The following CADM2 variants were observed in gnomAD, a reference collection of about 807,000 sequenced individuals.
CADM2 encodes immunoglobulin superfamily member 4D.
Under a neutral mutation model 49.8 loss-of-function variants are expected in CADM2, and 12 were observed. That is an observed-to-expected ratio of 0.24 (90% CI 0.15 to 0.39). CADM2 has a LOEUF of 0.39. Among genes scored for constraint, CADM2 ranks in the 10% least tolerant of loss-of-function variants. CADM2 has a pLI of 1.00. For synonymous variants in CADM2, 214 were observed against 175.4 expected, an observed-to-expected ratio of 1.22 and a Z score of -1.74; for missense variants, 378 against 492.3, an observed-to-expected ratio of 0.77 and a Z score of 2.20.
At chr3:85,827,301 A>G (rs17023381) in intron 3 of CADM2, among the ~76,000 whole-genome samples, 16,066 of 152,030 alleles carry the variant, frequency 0.11, 949 homozygotes, top group South Asian at 0.12. Context: ...CAAATGTTAT[A>G]GTAGGTGGCA....
At chr3:84,981,367 G>C (rs1478147948) in intron 1 of CADM2, among the ~76,000 whole-genome samples, 1 of 152,028 alleles carries the variant, frequency 6.6e-6, no homozygotes, top group Non-Finnish European at 1.5e-5. Context: ...TAAAGTCTAA[G>C]TTTGTTTGGT....
intron 1 of CADM2, among the ~76,000 whole-genome samples, chr3:85,110,834 G>A (rs1336346106): frequency 6.6e-6 from 1 of 151,796 alleles, no homozygotes; most frequent in African/African-American, 2.4e-5. Context: ...AAGGATCTCA[G>A]CGTTTCTTAT....
intron 1 of CADM2, among the ~76,000 whole-genome samples, chr3:85,428,195 C>T (rs2036500673): frequency 1.3e-5 from 2 of 148,856 alleles, no homozygotes; most frequent in South Asian, 4.2e-4. Context: ...TAATTTATAC[C>T]TAAATTGTAA....
chr3:85,456,072 G>T (rs531470692), intron 1 of CADM2, among the ~76,000 whole-genome samples: 33 of 152,250 alleles, frequency 2.2e-4, no homozygotes, highest in African/African-American at 7.5e-4. Flanking sequence ...GAGGTCAGAG[G>T]TTACCTTTAA....
At chr3:85,842,503 C>A (rs1440542931) in intron 3 of CADM2, among the ~76,000 whole-genome samples, 1 of 152,008 alleles carries the variant, frequency 6.6e-6, no homozygotes, top group Non-Finnish European at 1.5e-5. Flanking sequence ...TGAGACTTAT[C>A]TTCTTGGGCC....
At chr3:85,190,022 CAG>C in intron 1 of CADM2, among the ~76,000 whole-genome samples, 1 of 140,490 alleles carries the variant, frequency 7.1e-6, no homozygotes, top group African/African-American at 2.7e-5. Flanking sequence ...TCAGGAGCAA[CAG>C]AGTGAGACAG....
chr3:85,243,175 T>A (rs962364878), intron 1 of CADM2, among the ~76,000 whole-genome samples: 2 of 151,892 alleles, frequency 1.3e-5, no homozygotes, highest in South Asian at 4.1e-4. Flanking sequence ...TCTTTTTTTA[T>A]AGAACATATT....
At chr3:85,515,631 A>ATATATT (rs1159969286) in intron 1 of CADM2, among the ~76,000 whole-genome samples, 30 of 118,408 alleles carry the variant, frequency 2.5e-4, no homozygotes, top group South Asian at 1.3e-3. Flanking sequence ...ATATATATAT[A>ATATATT]TTTTTTTTTT....
chr3:85,031,663 C>A (rs148416438), intron 1 of CADM2, among the ~76,000 whole-genome samples: 1 of 151,872 alleles, frequency 6.6e-6, no homozygotes, highest in Non-Finnish European at 1.5e-5. Flanking sequence ...TACAGGCACA[C>A]GCCACCACGC....
intron 1 of CADM2, among the ~76,000 whole-genome samples, chr3:85,099,485 T>TC (rs2037930240): frequency 3.3e-5 from 5 of 151,856 alleles, no homozygotes; most frequent in South Asian, 4.2e-4. Flanking sequence ...TTTTTTTTTT[T>TC]CTGAGACACA....
At chr3:85,469,652 G>C (rs1484357992) in intron 1 of CADM2, among the ~76,000 whole-genome samples, 4 of 152,164 alleles carry the variant, frequency 2.6e-5, no homozygotes, top group African/African-American at 9.7e-5. Flanking sequence ...GTGATTCAGG[G>C]CAGAGCTGAA....
intron 8 of CADM2, among the ~76,000 whole-genome samples, chr3:85,988,402 A>C (rs1246238741): frequency 6.6e-6 from 1 of 152,226 alleles, no homozygotes; most frequent in African/African-American, 2.4e-5. Context: ...AAATATGTAC[A>C]TAACATTTAT....
At chr3:85,924,100 A>C (rs1719509644) in intron 6 of CADM2, among the ~76,000 whole-genome samples, 1 of 152,236 alleles carries the variant, frequency 6.6e-6, no homozygotes, top group Non-Finnish European at 1.5e-5. Context: ...TCTTAGATTT[A>C]TAAGATGATT....
At chr3:85,141,579 C>A (rs1184607300) in intron 1 of CADM2, among the ~76,000 whole-genome samples, 1 of 152,080 alleles carries the variant, frequency 6.6e-6, no homozygotes, top group African/African-American at 2.4e-5. Context: ...ATGTGTCAAA[C>A]ATAACAATAT....
intron 1 of CADM2, among the ~76,000 whole-genome samples, chr3:85,608,024 T>G (rs1473895733): frequency 6.6e-6 from 1 of 152,116 alleles, no homozygotes; most frequent in Non-Finnish European, 1.5e-5. Context: ...TACCTCGTAA[T>G]TAGATTAATA....
At chr3:85,958,016 A>G (rs1417669253) in intron 7 of CADM2, among the ~76,000 whole-genome samples, 1 of 152,028 alleles carries the variant, frequency 6.6e-6, no homozygotes, top group Non-Finnish European at 1.5e-5. Flanking sequence ...GGAAACCTAC[A>G]GAATGGGAGA....
chr3:85,635,791 T>A (rs1221401391), intron 1 of CADM2, among the ~76,000 whole-genome samples: 4 of 152,156 alleles, frequency 2.6e-5, no homozygotes, highest in African/African-American at 9.7e-5. Flanking sequence ...GTTAAAAATA[T>A]ATGTACAGCC....
At chr3:85,309,997 C>T (rs1239252479) in intron 1 of CADM2, among the ~76,000 whole-genome samples, 2 of 152,158 alleles carry the variant, frequency 1.3e-5, no homozygotes. Flanking sequence ...AAGACTCTTG[C>T]TATAAATTCT....
intron 1 of CADM2, among the ~76,000 whole-genome samples, chr3:85,520,492 T>G (rs193017387): frequency 6.6e-6 from 1 of 152,184 alleles, no homozygotes; most frequent in East Asian, 1.9e-4. Context: ...GCACTTACTC[T>G]GTGCCATGTA....
Sources: gnomAD v4.1 joint callset for allele counts (sites outside exome capture counted in the v4.1 genomes callset) on GRCh38, gnomAD v4.1.1 for gene constraint, MANE v1.5 for transcripts, NCBI Gene and HGNC (gene_info 2026-07-23, HGNC 2026-07-21) for gene names.